Variants in SP140 observed in about 807,000 individuals in gnomAD.
SP140 encodes the protein SP140 nuclear body protein.
A neutral mutation model predicts 125.0 loss-of-function variants in SP140; 81 were observed. The ratio of observed to expected loss-of-function variants is 0.65; its 90% CI spans 0.54 to 0.78. The LOEUF (loss-of-function observed/expected upper bound fraction) is 0.78, where lower values mean the gene tolerates loss of function less well. Ranked by LOEUF, SP140 falls within the 30% of genes least tolerant of loss-of-function variation. The pLI, the probability that SP140 is intolerant of heterozygous loss-of-function variation, is 0.00. For synonymous variants in SP140, 312 were observed against 354.0 expected, an observed-to-expected ratio of 0.88 and a Z score of 1.33; for missense variants, 858 against 1,037.0, an observed-to-expected ratio of 0.83 and a Z score of 2.37.
intron 14 of SP140, 104 bp downstream of exon 14, chr2:230,270,057 C>T (rs374682747): frequency 7.6e-5 from 57 of 746,904 alleles, no homozygotes; most frequent in East Asian, 1.3e-4. Flanking sequence ...TTCTATTCTC[C>T]GCATTTGCTT....
intron 1 of SP140, among the ~76,000 whole-genome samples, chr2:230,207,152 C>T (rs1353107063): frequency 6.6e-6 from 1 of 152,128 alleles, no homozygotes; most frequent in East Asian, 1.9e-4. Flanking sequence ...AAAGTTTTTT[C>T]TTTTCCTTTC....
intron 3 of SP140, chr2:230,238,892 A>AG (rs2048340239): frequency 6.4e-7 from 1 of 1,551,034 alleles, no homozygotes; most frequent in South Asian, 1.2e-5. Context: ...AAGACAGAAA[A>AG]GGGGGTTGGT....
rs191100424 is a variant in SP140, at chr2:230,239,649, A to C, written c.406+1268A>C. 2.2e-4 allele frequency among the ~76,000 whole-genome samples: 34 copies of C among 152,298 alleles called. 1 individual carries two copies. The highest frequency in any genetic ancestry group is 1.2e-3 in the Admixed American group (19 of 15,300). ...TTTTTAGTAGAGACAGGGTTTCGCCATGTTGGCAAGGCTGGTCTTGAACCC... is the reference window on the plus strand; with the variant it reads ...TTTTTAGTAGAGACAGGGTTTCGCCCTGTTGGCAAGGCTGGTCTTGAACCC... On this transcript the variant is annotated intron_variant, in intron 3 of 26. Coordinates refer to ENST00000392045, the MANE Select transcript of SP140 (RefSeq NM_007237.5).
chr2:230,255,103 G>A (rs2050949054), intron 11 of SP140, among the ~76,000 whole-genome samples: 1 of 152,178 alleles, frequency 6.6e-6, no homozygotes, highest in South Asian at 2.1e-4. Context: ...AAACAGAGAA[G>A]GGGGGCAGAA....
rs117159974 is a variant in SP140, at chr2:230,279,513, T to C, written c.1499-4833T>C. Among the ~76,000 whole-genome samples the C allele has an allele frequency of 5.1e-3, 779 of 152,240 alleles. 12 individuals are homozygous for C. Among genetic ancestry groups the C allele is most frequent in the East Asian group, 0.022 (112 of 5,186 alleles). ...TAGGGAACCCAGAAATAAACACTCA[T>C]GCATGTATGTTCAAGTAATCTTTGA... is the stretch of plus-strand genomic sequence containing the variant. On this transcript the variant is annotated intron_variant, in intron 15 of 26. Coordinates refer to ENST00000392045, the MANE Select transcript of SP140 (RefSeq NM_007237.5).
At chr2:230,305,458 G>T (rs1181897506) in intron 22 of SP140, among the ~76,000 whole-genome samples, 1 of 152,246 alleles carries the variant, frequency 6.6e-6, no homozygotes, top group Non-Finnish European at 1.5e-5. Context: ...CTGCAGTGAG[G>T]TGCAGGCGCT....
At chr2:230,208,341 G>A (rs1228750006) in intron 1 of SP140, among the ~76,000 whole-genome samples, 1 of 152,194 alleles carries the variant, frequency 6.6e-6, no homozygotes, top group Non-Finnish European at 1.5e-5. Context: ...GAAGTGAGAT[G>A]AGAATCAAGA....
At chr2:230,250,633 G>A (rs57402789) in intron 9 of SP140, among the ~76,000 whole-genome samples, 14,303 of 152,202 alleles carry the variant, frequency 0.094, 884 homozygotes, top group Non-Finnish European at 0.12. Flanking sequence ...AAAGGCAGGA[G>A]CAGAGAATGG....
intron 15 of SP140, among the ~76,000 whole-genome samples, chr2:230,282,050 G>T (rs146689724): frequency 4.3e-4 from 65 of 152,252 alleles, no homozygotes; most frequent in Non-Finnish European, 7.2e-4. Flanking sequence ...CTTCACTGAG[G>T]AAACCTATGG....
At chr2:230,215,495 G>T (rs1440520486) in intron 3 of SP140, among the ~76,000 whole-genome samples, 1 of 152,194 alleles carries the variant, frequency 6.6e-6, no homozygotes, top group Non-Finnish European at 1.5e-5. Flanking sequence ...TGGTTCTAGT[G>T]ATGGTCACAG....
At chr2:230,201,695 C>A (rs1301905366), upstream of SP140, among the ~76,000 whole-genome samples, 1 of 152,212 alleles carries the variant, frequency 6.6e-6, no homozygotes, top group Non-Finnish European at 1.5e-5. Context: ...GATACAAGCT[C>A]ACTGTATAAT....
At chr2:230,260,134 C>A (rs73104262) in intron 12 of SP140, among the ~76,000 whole-genome samples, 2,724 of 152,082 alleles carry the variant, frequency 0.018, 83 homozygotes, top group African/African-American at 0.062. Context: ...TATGGCCATT[C>A]TTAAGGAGTG....
At chr2:230,220,541 G>T (rs2045723602) in intron 3 of SP140, among the ~76,000 whole-genome samples, 1 of 152,168 alleles carries the variant, frequency 6.6e-6, no homozygotes, top group South Asian at 2.1e-4. Flanking sequence ...AGACCTCCAG[G>T]CAGAAAAATG....
At chr2:230,271,669 T>C (rs556512433) in intron 15 of SP140, among the ~76,000 whole-genome samples, 1 of 152,288 alleles carries the variant, frequency 6.6e-6, no homozygotes, top group East Asian at 1.9e-4. Context: ...TTGCTAATTA[T>C]AGTAAAATGC....
chr2:230,194,972 G>C, the SP140 span, among the ~76,000 whole-genome samples: 3 of 152,140 alleles, frequency 2.0e-5, no homozygotes, highest in African/African-American at 7.2e-5. Flanking sequence ...CTGGAGAGGA[G>C]GTCATGCCAG....
At chr2:230,225,363 T>A (rs909042989), upstream of SP140, among the ~76,000 whole-genome samples, 6 of 152,192 alleles carry the variant, frequency 3.9e-5, no homozygotes, top group African/African-American at 1.4e-4. Flanking sequence ...CCTGGCCCCA[T>A]GTCCAAACAC....
intron 3 of SP140, chr2:230,214,104 T>C (rs893647359): frequency 6.6e-6 from 1 of 152,230 alleles, no homozygotes; most frequent in African/African-American, 2.4e-5. Flanking sequence ...GGCCACAGTG[T>C]TTTACTTCCA....
At chr2:230,219,054 G>C (rs1262671535) in intron 3 of SP140, among the ~76,000 whole-genome samples, 1 of 152,120 alleles carries the variant, frequency 6.6e-6, no homozygotes, top group Non-Finnish European at 1.5e-5. Flanking sequence ...GTGAAACCCT[G>C]TCTCTACTAA....
chr2:230,232,645 T>G (rs1034295152), intron 1 of SP140, among the ~76,000 whole-genome samples: 1 of 152,252 alleles, frequency 6.6e-6, no homozygotes, highest in African/African-American at 2.4e-5. Context: ...AGCCAGAGCA[T>G]GTAACCTGTT....
Sources: gnomAD v4.1 joint callset for allele counts (sites outside exome capture counted in the v4.1 genomes callset) on GRCh38, gnomAD v4.1.1 for gene constraint, MANE v1.5 for transcripts, NCBI Gene and HGNC (gene_info 2026-07-23, HGNC 2026-07-21) for gene names.